The following CNKSR2 variants were observed in gnomAD, a reference collection of about 807,000 sequenced individuals.
CNKSR2 encodes connector enhancer of kinase suppressor of Ras 2.
CNKSR2 carries 14 observed loss-of-function variants against 84.4 expected under a neutral mutation model. The observed-to-expected ratio is 0.17, with a 90% CI of 0.11 to 0.26. The LOEUF is 0.26. CNKSR2 is among the 10% of genes least tolerant of loss of function. The probability of loss-of-function intolerance (pLI) is 1.00; values close to 1 mark genes in which losing one functional copy is unlikely to be tolerated. For missense variants in CNKSR2, 485 were observed against 771.2 expected (o/e 0.63, Z 4.40); for synonymous variants, 275 against 277.9 (o/e 0.99, Z 0.10).
At chrX:21,377,422 A>G (rs1169624546) in intron 1 of CNKSR2, among the ~76,000 whole-genome samples, 2 of 112,238 alleles carry the variant, frequency 1.8e-5, no homozygotes, top group Non-Finnish European at 1.9e-5. Flanking sequence ...TTAAAAGTCA[A>G]CTGCTAATTT....
At chrX:21,379,082 T>A (rs1468870383) in intron 1 of CNKSR2, among the ~76,000 whole-genome samples, 1 of 112,507 alleles carries the variant, frequency 8.9e-6, no homozygotes, top group Non-Finnish European at 1.9e-5. Flanking sequence ...CAATGTTTTG[T>A]ATACAGTCCT....
At chrX:21,389,219 A>G (rs2090014017) in intron 1 of CNKSR2, among the ~76,000 whole-genome samples, 1 of 104,943 alleles carries the variant, frequency 9.5e-6, no homozygotes, top group African/African-American at 3.5e-5. Context: ...AATTAGTTAT[A>G]TTATGGCATT....
chrX:21,406,145 G>A (rs1266498786), intron 1 of CNKSR2, among the ~76,000 whole-genome samples: 1 of 111,106 alleles, frequency 9.0e-6, no homozygotes, highest in Non-Finnish European at 1.9e-5. Flanking sequence ...TCAGATGACC[G>A]GTGCCATTTT....
At chrX:21,432,498 A>G in intron 2 of CNKSR2, 114 bp from the exon 3 acceptor site, 1 of 534,389 alleles carries the variant, frequency 1.9e-6, no homozygotes, top group Admixed American at 3.6e-5. Context: ...TATCTTATTC[A>G]TTTGTAACTC....
intron 20 of CNKSR2, among the ~76,000 whole-genome samples, chrX:21,635,523 T>C (rs113548223): frequency 0.025 from 2,600 of 105,630 alleles, 82 homozygotes; most frequent in African/African-American, 0.085. Context: ...TATGTGTATA[T>C]ATATGTATAT....
intron 4 of CNKSR2, among the ~76,000 whole-genome samples, chrX:21,465,711 A>G (rs2091118416): frequency 1.8e-5 from 2 of 111,424 alleles, no homozygotes; most frequent in Non-Finnish European, 3.8e-5. Flanking sequence ...ATCTCTCTTT[A>G]TATATTTACT....
At chrX:21,610,765 C>T (rs1275155496) in intron 20 of CNKSR2, among the ~76,000 whole-genome samples, 1 of 112,072 alleles carries the variant, frequency 8.9e-6, no homozygotes, top group Non-Finnish European at 1.9e-5. Context: ...TCAAAGTTCA[C>T]AGATTACCAA....
chrX:21,468,041 T>A (rs1444119890), intron 4 of CNKSR2, among the ~76,000 whole-genome samples: 3 of 111,167 alleles, frequency 2.7e-5, no homozygotes, highest in African/African-American at 9.8e-5. Flanking sequence ...TATTGATTTG[T>A]GTAATGGTGT....
chrX:21,374,795 G>C lies in CNKSR2; in HGVS notation c.-103G>C. The C allele has an allele frequency of 1.4e-6, 1 of 717,922 alleles. No individual in the cohort carries two copies. The highest frequency in any genetic ancestry group is 2.2e-6 in the Non-Finnish European group (1 of 449,491). The allele number at this position is 717,922 out of a possible 1,213,427, so 59.2% of individuals were successfully genotyped here. A position where few individuals can be genotyped will look rare whatever the true frequency, so the allele number is the denominator to read the frequency against. On this transcript the variant is annotated 5_prime_UTR_variant, in exon 1 of 22. Transcript: ENST00000379510. The stretch of plus-strand genomic sequence containing the variant: ...CCGCTTTCTCCGCGCCGCCCGCCCA[G>C]GGAGGCTGCGGCCAGCAAGGGACCC...
intron 1 of CNKSR2, among the ~76,000 whole-genome samples, chrX:21,402,649 A>AT (rs1442842807): frequency 1.8e-5 from 2 of 110,936 alleles, no homozygotes; most frequent in African/African-American, 3.3e-5. Context: ...ATTTGACATA[A>AT]TTTTTTGTGC....
At chrX:21,478,999 C>G (rs1320033375) in intron 5 of CNKSR2, among the ~76,000 whole-genome samples, 1 of 111,583 alleles carries the variant, frequency 9.0e-6, no homozygotes, top group Non-Finnish European at 1.9e-5. Context: ...TTTAGTGTAG[C>G]CATCACCTGA....
In CNKSR2 at chrX:21,585,764, G is replaced by C. The variant is rs762849352; in HGVS notation, c.1609-4808G>C. Among the ~76,000 whole-genome samples, 3 of 111,117 alleles carry C rather than the reference G, an allele frequency of 2.7e-5. No individual in the cohort carries two copies. The South Asian group carries it at 1.2e-3, about 43-fold the overall frequency. The stretch of plus-strand genomic sequence containing the variant: ...GGTCAGAATTTATGGAACATTCTTA[G>C]AAAGTTCGAAGAACTTTCACCCAGA... On this transcript the variant is annotated intron_variant, in intron 13 of 21. Transcript: ENST00000379510.
intron 6 of CNKSR2, chrX:21,493,405 A>T (rs1365010451): frequency 9.0e-6 from 1 of 111,719 alleles, no homozygotes. Flanking sequence ...ATCTCCAAAT[A>T]TGCCTTATTC....
At chrX:21,608,973 A>G in intron 19 of CNKSR2, 98 bp from the exon 20 acceptor site, 1 of 1,099,411 alleles carries the variant, frequency 9.1e-7, no homozygotes, top group Non-Finnish European at 1.2e-6. Flanking sequence ...GTAAGAGTTC[A>G]TCTACTTAAA....
chrX:21,587,531 G>A (rs974025726), intron 13 of CNKSR2, among the ~76,000 whole-genome samples: 1 of 111,633 alleles, frequency 9.0e-6, no homozygotes, highest in African/African-American at 3.3e-5. Flanking sequence ...ATGAATTACG[G>A]TCATATGTCT....
At chrX:21,419,367 C>G (rs772499151) in intron 1 of CNKSR2, among the ~76,000 whole-genome samples, 2 of 111,113 alleles carry the variant, frequency 1.8e-5, no homozygotes, top group East Asian at 5.7e-4. Flanking sequence ...CCTGAAATGT[C>G]ACATATCTTT....
intron 4 of CNKSR2, among the ~76,000 whole-genome samples, chrX:21,462,083 T>C (rs2091068168): frequency 9.0e-6 from 1 of 111,652 alleles, no homozygotes; most frequent in South Asian, 3.7e-4. Flanking sequence ...AAGAATGTCA[T>C]TGGTATTTTG....
intron 13 of CNKSR2, among the ~76,000 whole-genome samples, chrX:21,563,735 G>C (rs1035851734): frequency 9.0e-6 from 1 of 111,642 alleles, no homozygotes; most frequent in Non-Finnish European, 1.9e-5. Context: ...TCATCAGTGT[G>C]ATACTATGCA....
At chrX:21,512,530 C>G (rs2091683943) in intron 8 of CNKSR2, among the ~76,000 whole-genome samples, 1 of 111,397 alleles carries the variant, frequency 9.0e-6, no homozygotes, top group African/African-American at 3.3e-5. Flanking sequence ...GCATAGAAAA[C>G]TTCTACACTG....
Sources: gnomAD v4.1 joint callset for allele counts (sites outside exome capture counted in the v4.1 genomes callset) on GRCh38, gnomAD v4.1.1 for gene constraint, MANE v1.5 for transcripts, NCBI Gene and HGNC (gene_info 2026-07-23, HGNC 2026-07-21) for gene names.